The following AKAP19 variants were observed in gnomAD, a reference collection of about 807,000 sequenced individuals.
AKAP19 encodes the protein A-kinase anchoring protein 19, also known as small A-kinase anchoring protein.
At chr2:190,063,821 T>C in the AKAP19 span, among the ~76,000 whole-genome samples, 3 of 152,084 alleles carry the variant, frequency 2.0e-5, no homozygotes, top group Non-Finnish European at 4.4e-5. Flanking sequence ...TAAATTTAAG[T>C]GGCCTCTGTA....
the AKAP19 span, among the ~76,000 whole-genome samples, chr2:190,182,215 T>C: frequency 4.6e-5 from 7 of 152,188 alleles, no homozygotes; most frequent in African/African-American, 1.7e-4. Context: ...AGGCCTTGTT[T>C]ACGCTGAACT....
At chr2:190,017,087 T>C in the AKAP19 span, among the ~76,000 whole-genome samples, 1 of 152,224 alleles carries the variant, frequency 6.6e-6, no homozygotes, top group African/African-American at 2.4e-5. Flanking sequence ...TTATCTGGTA[T>C]AAGTATGGCT....
chr2:189,968,919 C>CAT, the AKAP19 span, among the ~76,000 whole-genome samples: 1 of 151,788 alleles, frequency 6.6e-6, no homozygotes, highest in South Asian at 2.1e-4. Context: ...TAGTATAATA[C>CAT]ATATTATAGA....
At chr2:190,004,937 C>T in the AKAP19 span, among the ~76,000 whole-genome samples, 70 of 152,312 alleles carry the variant, frequency 4.6e-4, no homozygotes, top group African/African-American at 1.6e-3. Context: ...CATTCCTTCC[C>T]ATGGGTTCTT....
the AKAP19 span, among the ~76,000 whole-genome samples, chr2:189,983,180 G>T: frequency 6.6e-6 from 1 of 152,140 alleles, no homozygotes; most frequent in African/African-American, 2.4e-5. Context: ...TTATGCTCCT[G>T]TTGCAGGGCT....
At chr2:190,061,546 C>T in the AKAP19 span, among the ~76,000 whole-genome samples, 5 of 151,978 alleles carry the variant, frequency 3.3e-5, no homozygotes, top group Admixed American at 6.6e-5. Flanking sequence ...ACAAGGAGGA[C>T]TTTGTGAGCC....
the AKAP19 span, chr2:189,923,327 T>C: frequency 3.1e-6 from 5 of 1,610,104 alleles, no homozygotes; most frequent in Non-Finnish European, 4.2e-6. Flanking sequence ...AACCTTACCA[T>C]CAAACACAAT....
chr2:190,024,380 G>GTA, the AKAP19 span, among the ~76,000 whole-genome samples: 16,443 of 145,938 alleles, frequency 0.11, 934 homozygotes, highest in Middle Eastern at 0.18. Flanking sequence ...ATATGTGTGT[G>GTA]TATATATATA....
the AKAP19 span, chr2:190,200,907 A>G: frequency 6.0e-6 from 1 of 167,062 alleles, no homozygotes; most frequent in South Asian, 2.1e-4. Context: ...TAAATCTTAA[A>G]AATAACAGAA....
chr2:190,193,379 G>C, the AKAP19 span, among the ~76,000 whole-genome samples: 26 of 152,228 alleles, frequency 1.7e-4, no homozygotes, highest in African/African-American at 6.3e-4. Context: ...ATATTGGCCT[G>C]TGGAGTTTTG....
chr2:189,880,682 A>T, the AKAP19 span, among the ~76,000 whole-genome samples: 15 of 152,240 alleles, frequency 9.9e-5, no homozygotes, highest in African/African-American at 3.6e-4. Context: ...TGGATGACTC[A>T]GCTTTCAGCT....
chr2:190,122,807 T>A, the AKAP19 span, among the ~76,000 whole-genome samples: 1 of 150,454 alleles, frequency 6.6e-6, no homozygotes, highest in African/African-American at 2.5e-5. Flanking sequence ...CCTCTCTCTC[T>A]CTCTTTTTTT....
the AKAP19 span, chr2:190,062,632 T>C: frequency 1.9e-6 from 3 of 1,597,472 alleles, no homozygotes; most frequent in East Asian, 4.5e-5. Context: ...TTCTTGTTCT[T>C]GTTTCTTCCT....
At chr2:190,077,555 C>T in the AKAP19 span, among the ~76,000 whole-genome samples, 5 of 152,312 alleles carry the variant, frequency 3.3e-5, no homozygotes, top group South Asian at 2.1e-4. Context: ...CCACCTGCCT[C>T]GGCCTCCCAA....
At chr2:190,019,487 G>A in the AKAP19 span, among the ~76,000 whole-genome samples, 2 of 152,130 alleles carry the variant, frequency 1.3e-5, no homozygotes, top group Non-Finnish European at 2.9e-5. Context: ...AACCAGCTTA[G>A]CTTTGCCAGT....
the AKAP19 span, chr2:190,180,316 C>G: frequency 3.2e-6 from 1 of 314,718 alleles, no homozygotes; most frequent in Non-Finnish European, 4.6e-6. The surrounding 1 kb of genome is among the most constrained non-coding windows in gnomAD (Gnocchi z 6.8). Flanking sequence ...CCCCTGCAGG[C>G]GGGCTCAGTG....
chr2:189,915,208 A>G, the AKAP19 span, among the ~76,000 whole-genome samples: 1 of 151,992 alleles, frequency 6.6e-6, no homozygotes, highest in Non-Finnish European at 1.5e-5. Flanking sequence ...TTTTACTCTC[A>G]TTGTACTACT....
the AKAP19 span, among the ~76,000 whole-genome samples, chr2:189,938,513 G>T: frequency 6.6e-6 from 1 of 151,950 alleles, no homozygotes; most frequent in African/African-American, 2.4e-5. Flanking sequence ...CTTACTTGTG[G>T]GATCTAAAAA....
chr2:189,914,987 C>T, the AKAP19 span, among the ~76,000 whole-genome samples: 10 of 152,194 alleles, frequency 6.6e-5, no homozygotes, highest in East Asian at 1.9e-4. Context: ...GGGGAAATTA[C>T]GTGCGAAGTA....
Sources: allele counts gnomAD v4.1 joint callset (sites outside exome capture counted in the v4.1 genomes callset), GRCh38; gene constraint gnomAD v4.1.1; non-coding constraint Gnocchi (gnomAD v3.1); transcripts MANE v1.5; gene names NCBI Gene and HGNC (gene_info 2026-07-23, HGNC 2026-07-21).